Variants in L2HGDH observed in about 807,000 individuals in gnomAD.
The protein encoded by L2HGDH is L-2-hydroxyglutarate dehydrogenase, mitochondrial.
A neutral mutation model predicts 51.5 loss-of-function variants in L2HGDH; 34 were observed. The ratio of observed to expected loss-of-function variants is 0.66; its 90% CI spans 0.50 to 0.88. The LOEUF (loss-of-function observed/expected upper bound fraction) is 0.88. Ranked by LOEUF, L2HGDH falls within the 40% of genes least tolerant of loss-of-function variation. The pLI, the probability that L2HGDH is intolerant of heterozygous loss-of-function variation, is 0.00. For missense variants in L2HGDH, 558 were observed against 571.9 expected (o/e 0.98, Z 0.25); for synonymous variants, 198 against 197.9 (o/e 1.00, Z -0.01).
At chr14:50,288,318 C>A (rs760309138) in intron 4 of L2HGDH, among the ~76,000 whole-genome samples, 10 of 152,138 alleles carry the variant, frequency 6.6e-5, no homozygotes, top group Admixed American at 2.0e-4. Flanking sequence ...CCTCTACAGA[C>A]CAAACCAAAA....
rs147858243 is a variant in L2HGDH, at chr14:50,305,658, C to T, written c.141-2641G>A. ...TTTTATTTTTCAAAACCTCTATAAT[C>T]TTCCACTAAGGTAGGTGTTCAAAAC... On this transcript the variant is annotated intron_variant, in intron 1 of 9. Coordinates refer to ENST00000267436, the MANE Select transcript of L2HGDH (RefSeq NM_024884.3). 1.7e-3 allele frequency among the ~76,000 whole-genome samples: 262 copies of T among 152,298 alleles called. 1 individual carries two copies. Among genetic ancestry groups the T allele is most frequent in the African/African-American group, 4.9e-3 (203 of 41,566 alleles).
intron 5 of L2HGDH, among the ~76,000 whole-genome samples, chr14:50,281,591 T>G (rs1890273597): frequency 6.6e-6 from 1 of 151,822 alleles, no homozygotes; most frequent in South Asian, 2.1e-4. Context: ...AAACTCCATC[T>G]CAAAAAAAAT....
intron 9 of L2HGDH, among the ~76,000 whole-genome samples, chr14:50,259,142 G>A (rs191474987): frequency 4.0e-5 from 6 of 150,930 alleles, no homozygotes; most frequent in African/African-American, 1.2e-4. Flanking sequence ...AGGAGCCACT[G>A]AGCCCAACCA....
intron 4 of L2HGDH, among the ~76,000 whole-genome samples, chr14:50,290,910 T>G (rs1055333526): frequency 1.3e-5 from 2 of 152,058 alleles, no homozygotes; most frequent in African/African-American, 4.8e-5. Flanking sequence ...AAAAAACATT[T>G]TTAGCATGGC....
chr14:50,271,468 T>C (rs1461949803), intron 6 of L2HGDH, among the ~76,000 whole-genome samples: 1 of 152,224 alleles, frequency 6.6e-6, no homozygotes, highest in Non-Finnish European at 1.5e-5. Context: ...TGTGAAACAA[T>C]AATTAAATTC....
In L2HGDH at chr14:50,243,404, T is replaced by C; in HGVS notation, c.*3654A>G. 1.0e-6 allele frequency: 1 copy of C among 979,452 alleles called. No homozygotes were observed. Among genetic ancestry groups the C allele is most frequent in the Non-Finnish European group, 1.2e-6 (1 of 824,628 alleles). The allele number at this position is 979,452 out of a possible 1,614,324, so 60.7% of individuals were successfully genotyped here. A position where few individuals can be genotyped will look rare whatever the true frequency, so the allele number is the denominator to read the frequency against. On this transcript the variant is annotated 3_prime_UTR_variant, in exon 10 of 10. Transcript: ENST00000267436. ...TGCTATCTATCTAAAGCAAACAGTT[T>C]ATGTTTTACACATAAAAAAATTTAT... is the stretch of plus-strand genomic sequence containing the variant.
At position 50,292,667 on chromosome 14, in the gene L2HGDH, T is replaced by C. The variant is rs148552578; in HGVS notation, c.540+1448A>G. ...GTTGCGGTGAGCTGAGATTGCGCCA[T>C]TGCACTCCATCCTGGCAACAAGAGT... On this transcript the variant is annotated intron_variant, in intron 4 of 9. Coordinates refer to ENST00000267436, the MANE Select transcript of L2HGDH (RefSeq NM_024884.3). Among the ~76,000 whole-genome samples the C allele has an allele frequency of 4.0e-3, 609 of 152,044 alleles. 10 individuals are homozygous for C. The highest frequency in any genetic ancestry group is 0.034 in the South Asian group (165 of 4,808).
chr14:50,303,709 G>A (rs999438151), intron 1 of L2HGDH, among the ~76,000 whole-genome samples: 7 of 150,058 alleles, frequency 4.7e-5, no homozygotes, highest in South Asian at 2.1e-4. Flanking sequence ...CCTGGGAGGC[G>A]GAGGTTGCAA....
intron 9 of L2HGDH, among the ~76,000 whole-genome samples, chr14:50,251,255 T>C (rs1222096136): frequency 6.6e-6 from 1 of 151,760 alleles, no homozygotes; most frequent in Non-Finnish European, 1.5e-5. Flanking sequence ...AGAGTCTCAA[T>C]AGCAGAACTG....
chr14:50,310,961 C>G (rs1253917009), intron 1 of L2HGDH, among the ~76,000 whole-genome samples: 1 of 69,596 alleles, frequency 1.4e-5, no homozygotes, highest in Non-Finnish European at 2.6e-5. Flanking sequence ...TTTTTTTTTG[C>G]GAGACAGAGT....
At position 50,283,206 on chromosome 14, in the gene L2HGDH, G is replaced by GA. The variant is rs940702072; in HGVS notation, c.703+664dup. On this transcript the variant is annotated intron_variant, in intron 5 of 9. Transcript: ENST00000267436. ...ACAGAGCAAGACCCTGCCCCAAGGG[G>GA]AAAAAAAAAATGCATTTTTAACAAG... 8.2e-5 allele frequency among the ~76,000 whole-genome samples: 12 copies of GA among 146,766 alleles called. 1 individual carries two copies. The South Asian group carries it at 1.3e-3, about 16-fold the overall frequency.
chr14:50,303,342 A>G (rs2030531980), intron 1 of L2HGDH, among the ~76,000 whole-genome samples: 1 of 151,998 alleles, frequency 6.6e-6, no homozygotes, highest in South Asian at 2.1e-4. Context: ...GAATCACTTG[A>G]ACCTGGGAAG....
intron 4 of L2HGDH, 59 bp downstream of exon 4, chr14:50,294,056 C>T (rs1224832382): frequency 6.3e-7 from 1 of 1,581,816 alleles, no homozygotes; most frequent in African/African-American, 1.3e-5. Context: ...CACTCACCCT[C>T]AGCCTCCATG....
chr14:50,279,174 A>G (rs186705818), intron 5 of L2HGDH, among the ~76,000 whole-genome samples: 39 of 152,362 alleles, frequency 2.6e-4, no homozygotes, highest in Admixed American at 1.2e-3. Context: ...TTTGCTCATC[A>G]TCTTAGAATT....
rs1303191390 is a variant in L2HGDH, at chr14:50,270,063, C to T, written c.739-733G>A. On this transcript the variant is annotated intron_variant, in intron 6 of 9. Coordinates refer to ENST00000267436, the MANE Select transcript of L2HGDH (RefSeq NM_024884.3). ...TAATCCTGCCCAGTTGCAACTGTAA[C>T]CTACCCACCAAGCAATTTCTCCTTC... Among the ~76,000 whole-genome samples the T allele has an allele frequency of 2.0e-5, 3 of 152,262 alleles. No homozygotes were observed. The South Asian group carries it at 6.2e-4, about 32-fold the overall frequency.
chr14:50,300,484 G>A (rs2030343659), intron 3 of L2HGDH, among the ~76,000 whole-genome samples: 1 of 151,918 alleles, frequency 6.6e-6, no homozygotes, highest in African/African-American at 2.4e-5. Flanking sequence ...TAGTAGAGAT[G>A]GGGTTTCACC....
At chr14:50,274,961 G>C (rs1286134591) in intron 6 of L2HGDH, among the ~76,000 whole-genome samples, 1 of 122,510 alleles carries the variant, frequency 8.2e-6, no homozygotes, top group African/African-American at 3.1e-5. Context: ...GGTTGCTACA[G>C]ACTGGGAGGG....
In L2HGDH at chr14:50,242,672, A is replaced by G. The variant is rs571999551; in HGVS notation, c.*4386T>C. 6.8e-5 allele frequency: 67 copies of G among 985,438 alleles called. No homozygotes were observed. In the African/African-American group the frequency reaches 1.1e-3, roughly 16 times the overall value. 61.0% of individuals were successfully genotyped at this position (985,438 alleles called of 1,614,324 possible). ...TCTCGAGGCAGCTTTTGCTTTCCCA[A>G]CCATTTCACCCTGTCCTTCTACCTT... On this transcript the variant is annotated 3_prime_UTR_variant, in exon 10 of 10. Transcript: ENST00000267436.
intron 6 of L2HGDH, among the ~76,000 whole-genome samples, chr14:50,276,462 G>GT (rs1566519638): frequency 6.7e-6 from 1 of 150,352 alleles, no homozygotes; most frequent in Non-Finnish European, 1.5e-5. Flanking sequence ...ATTGAATTGT[G>GT]CCCCCCCCAC....
Sources: allele counts gnomAD v4.1 joint callset (sites outside exome capture counted in the v4.1 genomes callset), GRCh38; gene constraint gnomAD v4.1.1; transcripts MANE v1.5; gene names NCBI Gene and HGNC (gene_info 2026-07-23, HGNC 2026-07-21).